The following SLCO3A1 variants were observed in gnomAD, a reference collection of about 807,000 sequenced individuals.
The protein encoded by SLCO3A1 is PGE1 transporter.
SLCO3A1 carries 27 observed loss-of-function variants against 63.1 expected under a neutral mutation model. The ratio of observed to expected loss-of-function variants is 0.43; its 90% CI spans 0.32 to 0.59. The LOEUF (loss-of-function observed/expected upper bound fraction) is 0.59. SLCO3A1 is among the 20% of genes least tolerant of loss of function. The pLI is 0.09. For synonymous variants in SLCO3A1, 473 were observed against 409.9 expected, an observed-to-expected ratio of 1.15 and a Z score of -1.86; for missense variants, 773 against 945.8, an observed-to-expected ratio of 0.82 and a Z score of 2.40.
At chr15:91,867,952 T>C (rs1897205520) in intron 1 of SLCO3A1, among the ~76,000 whole-genome samples, 1 of 152,250 alleles carries the variant, frequency 6.6e-6, no homozygotes, top group Non-Finnish European at 1.5e-5. Context: ...AAGCGCTGGC[T>C]GAGCTAGCTG....
Position 92,163,642 on chromosome 15 carries a change from G to A in SLCO3A1, c.*507G>A, listed in dbSNP as rs1379746683. 1.0e-6 allele frequency: 1 copy of A among 985,256 alleles called. No individual in the cohort carries two copies. Among genetic ancestry groups the A allele is most frequent in the East Asian group, 1.1e-4 (1 of 8,822 alleles). 61.0% of individuals were successfully genotyped at this position (985,256 alleles called of 1,614,324 possible). A position where few individuals can be genotyped will look rare whatever the true frequency, so the allele number is the denominator to read the frequency against. On this transcript the variant is annotated 3_prime_UTR_variant, in exon 10 of 10. Transcript: ENST00000318445. The stretch of plus-strand genomic sequence containing the variant: ...TGCCACCCTCTTCCTCCAGGTGGGG[G>A]TGGGGGCGGGCGCACAAGTCGGAGG...
intron 2 of SLCO3A1, among the ~76,000 whole-genome samples, chr15:92,027,888 C>T (rs1215523754): frequency 1.3e-5 from 2 of 152,158 alleles, no homozygotes; most frequent in African/African-American, 4.8e-5. Context: ...TTTTAGTTTT[C>T]AGGTAAGGCA....
downstream of SLCO3A1, among the ~76,000 whole-genome samples, chr15:92,166,583 A>C (rs2048494818): frequency 6.6e-6 from 1 of 152,106 alleles, no homozygotes; most frequent in African/African-American, 2.4e-5. Context: ...AGGGCTTCCC[A>C]GCCCTTACAG....
At chr15:91,962,659 G>A (rs979113299) in intron 2 of SLCO3A1, among the ~76,000 whole-genome samples, 4 of 151,864 alleles carry the variant, frequency 2.6e-5, no homozygotes, top group Admixed American at 2.0e-4. Flanking sequence ...TAAGCCCAAC[G>A]GAGAGCCCAG....
Position 91,897,711 on chromosome 15 carries a change from G to C in SLCO3A1, c.181-18282G>C, listed in dbSNP as rs2090786397. On this transcript the variant is annotated intron_variant, in intron 1 of 9. Transcript: ENST00000318445. This position sits in a 1 kb window ranked among gnomAD's most constrained non-coding sequence, Gnocchi z 4.7. ...CAGTGGCGGCAGAGTGGATTGGTGTGCTCCCATGTGCTAGGCTGAGTCTAC... is the reference window on the plus strand; with the variant it reads ...CAGTGGCGGCAGAGTGGATTGGTGTCCTCCCATGTGCTAGGCTGAGTCTAC... 6.6e-6 allele frequency among the ~76,000 whole-genome samples: 1 copy of C among 152,148 alleles called. No homozygotes were observed. The highest frequency in any genetic ancestry group is 1.5e-5 in the Non-Finnish European group (1 of 68,028).
intron 1 of SLCO3A1, among the ~76,000 whole-genome samples, chr15:91,887,531 T>C (rs1329247985): frequency 2.0e-5 from 3 of 152,226 alleles, no homozygotes; most frequent in Admixed American, 2.0e-4. Context: ...CTCATTTTCA[T>C]TGTGGCATCT....
At chr15:92,166,256 C>G (rs893369080), downstream of SLCO3A1, among the ~76,000 whole-genome samples, 15 of 152,152 alleles carry the variant, frequency 9.9e-5, no homozygotes, top group African/African-American at 3.4e-4. Flanking sequence ...TTCCTCACAG[C>G]TAGCGAAGGA....
At chr15:92,119,791 A>T (rs1596118211) in intron 4 of SLCO3A1, among the ~76,000 whole-genome samples, 1 of 152,084 alleles carries the variant, frequency 6.6e-6, no homozygotes, top group Non-Finnish European at 1.5e-5. Flanking sequence ...GCTGACTGCT[A>T]CTCAGGGAAT....
chr15:92,110,937 G>A (rs1311227222), intron 4 of SLCO3A1, among the ~76,000 whole-genome samples: 1 of 152,208 alleles, frequency 6.6e-6, no homozygotes, highest in East Asian at 1.9e-4. Context: ...GACTACCTGT[G>A]TTGGAGAGGG....
intron 2 of SLCO3A1, among the ~76,000 whole-genome samples, chr15:92,042,917 G>A (rs1489535301): frequency 6.6e-6 from 1 of 152,122 alleles, no homozygotes; most frequent in African/African-American, 2.4e-5. Context: ...GTGTTAAGGT[G>A]TGTATTTTAG....
At position 92,113,687 on chromosome 15, in the gene SLCO3A1, G is replaced by A. The variant is rs116015161; in HGVS notation, c.1010-6778G>A. Among the ~76,000 whole-genome samples, 1,230 of 152,270 alleles carry A rather than the reference G, an allele frequency of 8.1e-3. 21 individuals are homozygous for A. Among genetic ancestry groups the A allele is most frequent in the African/African-American group, 0.028 (1,165 of 41,558 alleles). On this transcript the variant is annotated intron_variant, in intron 4 of 9. Transcript: ENST00000318445. ...CCATGGTGGGTCTGAAGCTGGGGCC[G>A]GAGGCTGCCCCATCTGGGGCCAGTG...
At chr15:92,064,669 A>G (rs2047127738) in intron 2 of SLCO3A1, among the ~76,000 whole-genome samples, 1 of 152,262 alleles carries the variant, frequency 6.6e-6, no homozygotes, top group Non-Finnish European at 1.5e-5. Context: ...TGTGATACAT[A>G]GACACAATGG....
Position 92,039,756 on chromosome 15 carries a change from A to G in SLCO3A1, c.647-55125A>G, listed in dbSNP as rs140074744. 3.1e-3 allele frequency among the ~76,000 whole-genome samples: 476 copies of G among 152,356 alleles called. 1 individual carries two copies. In the Middle Eastern group the frequency reaches 0.068, roughly 22 times the overall value. ...ATGTAAATCATTCTACTAAGAAGAC[A>G]CACGCACATGTATGTTTATTACAGC... On this transcript the variant is annotated intron_variant, in intron 2 of 9. Transcript: ENST00000318445.
intron 2 of SLCO3A1, among the ~76,000 whole-genome samples, chr15:91,938,432 G>A (rs1382090140): frequency 6.6e-6 from 1 of 151,586 alleles, no homozygotes; most frequent in East Asian, 1.9e-4. Flanking sequence ...GGATGGATTA[G>A]CTCATGTGCA....
At chr15:91,977,235 T>TG (rs1262745037) in intron 2 of SLCO3A1, among the ~76,000 whole-genome samples, 2 of 152,292 alleles carry the variant, frequency 1.3e-5, no homozygotes, top group South Asian at 4.1e-4. Flanking sequence ...CATTGCCACC[T>TG]GGGGGGTGAC....
At chr15:91,929,748 T>C (rs1318633342) in intron 2 of SLCO3A1, among the ~76,000 whole-genome samples, 1 of 152,192 alleles carries the variant, frequency 6.6e-6, no homozygotes, top group Non-Finnish European at 1.5e-5. Context: ...TCTGTCTCTA[T>C]GAATTTGACT....
intron 2 of SLCO3A1, among the ~76,000 whole-genome samples, chr15:91,962,479 C>CCAAAA (rs1900484985): frequency 1.2e-5 from 1 of 81,738 alleles, no homozygotes; most frequent in Non-Finnish European, 2.3e-5. Context: ...AACTCCGTCT[C>CCAAAA]AAAAAAAAAA....
In SLCO3A1 at chr15:91,882,402, T is replaced by A. The variant is rs1332511823; in HGVS notation, c.180+28314T>A. Reference sequence around the variant, plus strand: ...GTTTAAGGTTGGACACTTGGTAGCCTTTGGTAAATATTTACTAAATGAATC... The same window carrying A: ...GTTTAAGGTTGGACACTTGGTAGCCATTGGTAAATATTTACTAAATGAATC... On this transcript the variant is annotated intron_variant, in intron 1 of 9. Transcript: ENST00000318445. This position sits in a 1 kb window ranked among gnomAD's most constrained non-coding sequence, Gnocchi z 4.4. Among the ~76,000 whole-genome samples, 1 of 152,178 alleles carries A rather than the reference T, an allele frequency of 6.6e-6. No homozygotes were observed. The highest frequency in any genetic ancestry group is 1.5e-5 in the Non-Finnish European group (1 of 68,020).
intron 2 of SLCO3A1, among the ~76,000 whole-genome samples, chr15:92,068,434 C>G (rs2047177217): frequency 6.6e-6 from 1 of 152,000 alleles, no homozygotes; most frequent in Non-Finnish European, 1.5e-5. Context: ...CGTTTCAGCG[C>G]TATAACTAAA....
Sources: allele counts gnomAD v4.1 joint callset (sites outside exome capture counted in the v4.1 genomes callset), GRCh38; gene constraint gnomAD v4.1.1; non-coding constraint Gnocchi (gnomAD v3.1); transcripts MANE v1.5; gene names NCBI Gene and HGNC (gene_info 2026-07-23, HGNC 2026-07-21).